MICAL2: variants seen among roughly 807,000 people sequenced by gnomAD.
MICAL2 encodes [F-actin]-monooxygenase MICAL2.
A neutral mutation model predicts 127.3 loss-of-function variants in MICAL2; 77 were observed. The ratio of observed to expected loss-of-function variants is 0.60; its 90% CI spans 0.50 to 0.73. The LOEUF (loss-of-function observed/expected upper bound fraction) is 0.73, where lower values mean the gene tolerates loss of function less well. Ranked by LOEUF, MICAL2 falls within the 30% of genes least tolerant of loss-of-function variation. The pLI, the probability that MICAL2 is intolerant of heterozygous loss-of-function variation, is 0.00. For synonymous variants in MICAL2, 570 were observed against 551.1 expected (o/e 1.03, Z -0.48); for missense variants, 1,351 against 1,434.4 (o/e 0.94, Z 0.94).
chr11:12,326,792 C>T (rs548255942), intron 31 of MICAL2, among the ~76,000 whole-genome samples: 281 of 152,270 alleles, frequency 1.8e-3, no homozygotes, highest in African/African-American at 6.4e-3. Context: ...CCCTGGACCC[C>T]CTACCCTACT....
intron 15 of MICAL2, among the ~76,000 whole-genome samples, chr11:12,231,553 G>A (rs1311386173): frequency 6.6e-6 from 1 of 152,238 alleles, no homozygotes; most frequent in Non-Finnish European, 1.5e-5. Flanking sequence ...TGTTTCTTGA[G>A]TGCCTATTTT....
chr11:12,147,237 A>G (rs991429515), intron 2 of MICAL2, among the ~76,000 whole-genome samples: 11 of 152,192 alleles, frequency 7.2e-5, no homozygotes, highest in Non-Finnish European at 1.5e-4. Context: ...AGCAAAAGAA[A>G]AAATTTAGAA....
At chr11:12,350,853 G>A (rs1939032245) in intron 33 of MICAL2, among the ~76,000 whole-genome samples, 1 of 152,154 alleles carries the variant, frequency 6.6e-6, no homozygotes, top group African/African-American at 2.4e-5. Flanking sequence ...TCACTGTCTG[G>A]AAGCCAGAAG....
At chr11:12,344,219 C>T (rs1230736450) in intron 32 of MICAL2, among the ~76,000 whole-genome samples, 6 of 151,960 alleles carry the variant, frequency 3.9e-5, no homozygotes, top group Admixed American at 6.6e-5. Flanking sequence ...TCTCTTGAAC[C>T]GGGGAGGCAG....
At chr11:12,223,525 G>C in intron 12 of MICAL2, 24 bp downstream of exon 12, 2 of 1,604,758 alleles carry the variant, frequency 1.2e-6, no homozygotes, top group Non-Finnish European at 8.5e-7. Flanking sequence ...CTGGGACCCT[G>C]GTGGGTGGCT....
downstream of MICAL2, among the ~76,000 whole-genome samples, chr11:12,361,354 A>G (rs556487338): frequency 6.6e-6 from 1 of 152,290 alleles, no homozygotes; most frequent in South Asian, 2.1e-4. Flanking sequence ...GAGATACAGA[A>G]AGAATATTAG....
intron 21 of MICAL2, among the ~76,000 whole-genome samples, chr11:12,244,711 G>T (rs1415848845): frequency 6.6e-6 from 1 of 152,184 alleles, no homozygotes; most frequent in African/African-American, 2.4e-5. Flanking sequence ...TTTAGGGCAA[G>T]GGTGTTTTGG....
intron 3 of MICAL2, among the ~76,000 whole-genome samples, chr11:12,203,988 A>C (rs58758584): frequency 0.017 from 2,626 of 152,294 alleles, 76 homozygotes; most frequent in African/African-American, 0.06. Flanking sequence ...TCTGAAGTTC[A>C]TGTGCATCTT....
chr11:12,242,841 G>T, intron 20 of MICAL2, 69 bp downstream of exon 20: 1 of 1,169,894 alleles, frequency 8.5e-7, no homozygotes, highest in Non-Finnish European at 1.2e-6. Context: ...CCTTGAATCA[G>T]GCTCTGAGCT....
chr11:12,258,580 G>A (rs1862648202), intron 25 of MICAL2, 24 bp downstream of exon 25: 1 of 1,600,694 alleles, frequency 6.2e-7, no homozygotes, highest in African/African-American at 1.3e-5. Context: ...AAACATGCTG[G>A]TGAAACGGGG....
intron 3 of MICAL2, among the ~76,000 whole-genome samples, chr11:12,165,951 CTG>C (rs1855462716): frequency 3.9e-5 from 6 of 152,150 alleles, no homozygotes; most frequent in Admixed American, 3.3e-4. Context: ...CTGGGCGTGA[CTG>C]TGTTTGGATA....
At chr11:12,131,571 A>C (rs148412792) in intron 1 of MICAL2, among the ~76,000 whole-genome samples, 31 of 152,298 alleles carry the variant, frequency 2.0e-4, no homozygotes, top group Non-Finnish European at 3.8e-4. Flanking sequence ...TCTCAGACCC[A>C]GTTTCCCCTC....
At chr11:12,252,097 C>T (rs992564158) in intron 22 of MICAL2, among the ~76,000 whole-genome samples, 1 of 152,160 alleles carries the variant, frequency 6.6e-6, no homozygotes, top group African/African-American at 2.4e-5. Context: ...GACCTCCCTG[C>T]CTTTCCTCCC....
chr11:12,258,178 G>A (rs1002730475), intron 24 of MICAL2, among the ~76,000 whole-genome samples: 9 of 152,178 alleles, frequency 5.9e-5, no homozygotes, highest in South Asian at 2.1e-4. Flanking sequence ...CTCCGGGTGC[G>A]GGCATGCCAC....
intron 32 of MICAL2, among the ~76,000 whole-genome samples, chr11:12,346,794 A>G (rs1358985423): frequency 1.3e-5 from 2 of 152,220 alleles, no homozygotes; most frequent in Admixed American, 1.3e-4. Context: ...ACCACTAACA[A>G]TGCATAGAAG....
chr11:12,249,036 A>T, intron 21 of MICAL2, 148 bp from the exon 22 acceptor site: 2 of 961,758 alleles, frequency 2.1e-6, no homozygotes, highest in Non-Finnish European at 3.1e-6. Context: ...GACAGCAACT[A>T]CTCTTGAGGG....
rs74557406 is a variant in MICAL2 at position 12,133,985 on chromosome 11, C to T, written c.-148-4405C>T. Among the ~76,000 whole-genome samples the T allele has an allele frequency of 6.8e-3, 1,031 of 152,288 alleles. 17 individuals are homozygous for T. Among genetic ancestry groups the T allele is most frequent in the African/African-American group, 0.024 (994 of 41,546 alleles). On this transcript the variant is annotated intron_variant, in intron 1 of 27. Transcript: ENST00000683283. The stretch of plus-strand genomic sequence containing the variant: ...CTGTGTGAGGAAAAGACCCCAGGCT[C>T]CACTGAAATCAGAGTGTACTGAGGA...
chr11:12,280,845 A>G (rs1009587442), intron 1 of MICAL2: 23 of 397,974 alleles, frequency 5.8e-5, no homozygotes, highest in African/African-American at 4.7e-4. Flanking sequence ...GGTGCGCTGG[A>G]GCAGTCCTGG....
Position 12,122,999 on chromosome 11 carries a change from A to G in MICAL2, c.-149+12273A>G, listed in dbSNP as rs372513692. Among the ~76,000 whole-genome samples, 4 of 152,140 alleles carry G rather than the reference A, an allele frequency of 2.6e-5. No individual in the cohort carries two copies. The East Asian group carries it at 7.7e-4, about 29-fold the overall frequency. On this transcript the variant is annotated intron_variant, in intron 1 of 27. Transcript: ENST00000683283. ...CAGTTCTTCCCCTTGGGTGCCATGG[A>G]GAGTAGGTCTAATCTGTCTACCACC...
Sources: allele counts gnomAD v4.1 joint callset (sites outside exome capture counted in the v4.1 genomes callset), GRCh38; gene constraint gnomAD v4.1.1; transcripts MANE v1.5; gene names NCBI Gene and HGNC (gene_info 2026-07-23, HGNC 2026-07-21).